The following MORC3 variants were observed in gnomAD, a reference collection of about 807,000 sequenced individuals.
MORC3 encodes the protein MORC family CW-type zinc finger protein 3.
MORC3 carries 31 observed loss-of-function variants against 109.1 expected under a neutral mutation model. That is an observed-to-expected ratio of 0.28 (90% CI 0.21 to 0.38). MORC3 has a LOEUF of 0.38. MORC3 is among the 10% of genes least tolerant of loss of function. The pLI, the probability that MORC3 is intolerant of heterozygous loss-of-function variation, is 1.00. For missense variants in MORC3, 867 were observed against 1,135.8 expected (o/e 0.76, Z 3.40); for synonymous variants, 395 against 380.7 (o/e 1.04, Z -0.44).
chr21:36,320,293 G>A lies in MORC3; in HGVS notation c.29G>A (p.Arg10His). 1 of 1,563,518 alleles carries A rather than the reference G, an allele frequency of 6.4e-7. No individual in the cohort carries two copies. Among genetic ancestry groups the A allele is most frequent in the Non-Finnish European group, 8.7e-7 (1 of 1,155,996 alleles). The change falls in exon 1 of 17, where the codon CGC becomes CAC. Residue 10 changes from arginine (R) to histidine (H), a missense_variant. By Grantham distance (29) the Arg-to-His change is conservative. This residue lies in a region of MORC3 where 33 missense variants were observed against 18.5 expected (regional missense o/e 1.78). Transcript: ENST00000400485. ...GCGGCGCAGCCACCCCGCGGGATAC[G>A]CCTCAGCGCGGTGAGCAGCCGCGAG... MAAQPPRGIRLSALCPKFLH... is the reference protein window; with the variant it reads MAAQPPRGIHLSALCPKFLH...
At position 36,326,022 on chromosome 21, in the gene MORC3, C is replaced by G. The variant is rs368019913; in HGVS notation, c.39+5719C>G. On this transcript the variant is annotated intron_variant, in intron 1 of 16. Transcript: ENST00000400485. Reference sequence around the variant, plus strand: ...AGGAGTTCGAGACCAGCCTGGCCAACATGGTGAAACCCAGTCTCTACTAAA... The same window carrying G: ...AGGAGTTCGAGACCAGCCTGGCCAAGATGGTGAAACCCAGTCTCTACTAAA... Among the ~76,000 whole-genome samples, 4 of 152,190 alleles carry G rather than the reference C, an allele frequency of 2.6e-5. No individual in the cohort carries two copies. In the East Asian group the frequency reaches 7.7e-4, roughly 29 times the overall value.
At chr21:36,342,838 G>A (rs2085465168) in intron 6 of MORC3, among the ~76,000 whole-genome samples, 1 of 151,700 alleles carries the variant, frequency 6.6e-6, no homozygotes, top group African/African-American at 2.4e-5. Context: ...GGCCAACATG[G>A]TGAAATCCTG....
chr21:36,374,740 G>A (rs1892601260), intron 16 of MORC3, among the ~76,000 whole-genome samples: 1 of 152,150 alleles, frequency 6.6e-6, no homozygotes, highest in African/African-American at 2.4e-5. Context: ...TGGTGCCATC[G>A]CAGCTCACTG....
intron 1 of MORC3, among the ~76,000 whole-genome samples, chr21:36,324,922 T>A (rs1447676549): frequency 6.6e-6 from 1 of 151,784 alleles, no homozygotes; most frequent in Non-Finnish European, 1.5e-5. Flanking sequence ...TTGGCCTGGC[T>A]GATCTTGAAC....
At chr21:36,326,466 A>G (rs2085249131) in intron 1 of MORC3, among the ~76,000 whole-genome samples, 1 of 152,178 alleles carries the variant, frequency 6.6e-6, no homozygotes, top group Admixed American at 6.5e-5. Context: ...TGAAAGTTGC[A>G]GTGAGCCACA....
At chr21:36,370,651 T>C (rs1229720740) in intron 15 of MORC3, among the ~76,000 whole-genome samples, 1 of 95,538 alleles carries the variant, frequency 1.0e-5, no homozygotes, top group African/African-American at 4.0e-5. Context: ...TTTTTTTTTT[T>C]TTTTTTTTTT....
rs1164629206 is a variant in MORC3, at chr21:36,320,253, A to G, written c.-12A>G. 2.5e-6 allele frequency: 4 copies of G among 1,577,370 alleles called. No individual in the cohort carries two copies. Among genetic ancestry groups the G allele is most frequent in the Non-Finnish European group, 3.4e-6 (4 of 1,163,038 alleles). On this transcript the variant is annotated 5_prime_UTR_variant, in exon 1 of 17. Coordinates refer to ENST00000400485, the MANE Select transcript of MORC3 (RefSeq NM_015358.3). ...CGGCGGAGGCCGTTCCTGGCTTTGT[A>G]GCTCGCTCAAGATGGCGGCGCAGCC... is the stretch of plus-strand genomic sequence containing the variant.
intron 1 of MORC3, among the ~76,000 whole-genome samples, chr21:36,329,624 G>A (rs935392656): frequency 6.6e-6 from 1 of 152,156 alleles, no homozygotes; most frequent in Admixed American, 6.5e-5. Flanking sequence ...CTCAGCCAGG[G>A]CACTCTTAAC....
chr21:36,347,322 A>G (rs762421875), intron 8 of MORC3, among the ~76,000 whole-genome samples: 10 of 152,240 alleles, frequency 6.6e-5, no homozygotes, highest in Non-Finnish European at 1.3e-4. Flanking sequence ...TTGCAGAAGT[A>G]AATGAACTTT....
At position 36,336,238 on chromosome 21, in the gene MORC3, T is replaced by C. The variant is rs1601515920; in HGVS notation, c.113-636T>C. Among the ~76,000 whole-genome samples, 3 of 141,540 alleles carry C rather than the reference T, an allele frequency of 2.1e-5. No individual in the cohort carries two copies. In the South Asian group the frequency reaches 6.8e-4, roughly 32 times the overall value. 92.9% of individuals were successfully genotyped at this position (141,540 alleles called of 152,430 possible). A position where few individuals can be genotyped will look rare whatever the true frequency, so the allele number is the denominator to read the frequency against. On this transcript the variant is annotated intron_variant, in intron 2 of 16. Transcript: ENST00000400485. ...AAGTCACCATGGTCAGCTTTTTTGT[T>C]TTTGTTTTTGTTTTTGTTTTTGGAG...
chr21:36,369,994 A>G (rs985162266), intron 15 of MORC3, 118 bp downstream of exon 15: 5 of 1,198,682 alleles, frequency 4.2e-6, no homozygotes, highest in Admixed American at 4.5e-5. Flanking sequence ...GGGGAGGCCA[A>G]GGCGGGTGGG....
chr21:36,345,596 A>T (rs769505871), intron 8 of MORC3, among the ~76,000 whole-genome samples: 1 of 151,364 alleles, frequency 6.6e-6, no homozygotes, highest in Non-Finnish European at 1.5e-5. Context: ...TAATTTTTGT[A>T]TTTTTAGTAG....
chr21:36,359,556 CTTTTTTTTTTTTT>C lies in MORC3; in HGVS notation c.1209-386_1209-374del, dbSNP rs5843757. ...TTTTCTTTTCCTTTCCTTTCCTCTC[CTTTTTTTTTTTTT>C]TTTTTTTTTTTTGACAGGATCTTAC... is the stretch of plus-strand genomic sequence containing the variant. On this transcript the variant is annotated intron_variant, in intron 10 of 16. Coordinates refer to ENST00000400485, the MANE Select transcript of MORC3 (RefSeq NM_015358.3). Among the ~76,000 whole-genome samples the C allele has an allele frequency of 6.4e-5, 6 of 93,952 alleles. 1 individual carries two copies. Among genetic ancestry groups the C allele is most frequent in the Admixed American group, 5.7e-4 (4 of 7,028 alleles). 61.6% of individuals were successfully genotyped at this position (93,952 alleles called of 152,430 possible).
intron 9 of MORC3, 69 bp from the exon 10 acceptor site, chr21:36,356,551 C>G (rs989874150): frequency 1.0e-6 from 1 of 967,378 alleles, no homozygotes; most frequent in Non-Finnish European, 1.6e-6. Context: ...TCTATGTACT[C>G]ATTACTAGAT....
At chr21:36,320,650 C>G in intron 1 of MORC3, 1 of 251,680 alleles carries the variant, frequency 4.0e-6, no homozygotes, top group Non-Finnish European at 7.5e-6. Flanking sequence ...CCCTGACCCT[C>G]TTCTGTCCGC....
chr21:36,360,711 G>T, intron 12 of MORC3: 1 of 178,400 alleles, frequency 5.6e-6, no homozygotes, highest in Non-Finnish European at 1.2e-5. Flanking sequence ...TCATGAAGGA[G>T]GTCATTTTTG....
Position 36,344,594 on chromosome 21 carries a change from T to C in MORC3, c.772T>C (p.Leu258=). ...DYSLRAYCSI[L]YLKPRMQIIL... ...TATTTTCCAGGCTTATTGCAGTATA[T>C]TATATCTAAAGCCAAGAATGCAGAT... The change falls in exon 7 of 17, where the codon TTA becomes CTA. Residue 258 remains leucine (L), a synonymous_variant. Coordinates refer to ENST00000400485, the MANE Select transcript of MORC3 (RefSeq NM_015358.3). 2 of 1,613,862 alleles carry C rather than the reference T, an allele frequency of 1.2e-6. No individual in the cohort carries two copies. The highest frequency in any genetic ancestry group is 1.7e-6 in the Non-Finnish European group (2 of 1,179,932).
intron 5 of MORC3, among the ~76,000 whole-genome samples, chr21:36,339,919 T>A (rs1186199157): frequency 1.3e-5 from 2 of 152,192 alleles, no homozygotes; most frequent in African/African-American, 4.8e-5. Flanking sequence ...CATGTGTAGT[T>A]GTAAGAAGTA....
intron 6 of MORC3, among the ~76,000 whole-genome samples, chr21:36,343,212 C>G (rs1569096122): frequency 6.6e-6 from 1 of 151,542 alleles, no homozygotes; most frequent in African/African-American, 2.4e-5. Context: ...TCTTCTGCCA[C>G]AGCCTCCCAA....
Sources: gnomAD v4.1 joint callset for allele counts (sites outside exome capture counted in the v4.1 genomes callset) on GRCh38, gnomAD v4.1.1 for gene constraint, gnomAD v4.1.1 regional missense constraint, MANE v1.5 for transcripts, NCBI Gene and HGNC (gene_info 2026-07-23, HGNC 2026-07-21) for gene names.